The following ITGB5 variants were observed in gnomAD, a reference collection of about 807,000 sequenced individuals.
ITGB5 encodes integrin subunit beta 5.
Under a neutral mutation model 84.8 loss-of-function variants are expected in ITGB5, and 38 were observed. That is an observed-to-expected ratio of 0.45 (90% CI 0.35 to 0.59). The LOEUF (loss-of-function observed/expected upper bound fraction) is 0.59, where lower values mean the gene tolerates loss of function less well. Ranked by LOEUF, ITGB5 falls within the 20% of genes least tolerant of loss-of-function variation. The pLI is 0.01. For synonymous variants in ITGB5, 393 were observed against 414.4 expected, an observed-to-expected ratio of 0.95 and a Z score of 0.63; for missense variants, 905 against 1,034.5, an observed-to-expected ratio of 0.87 and a Z score of 1.72.
At chr3:124,889,483 C>T (rs1934948371), upstream of ITGB5, among the ~76,000 whole-genome samples, 1 of 152,226 alleles carries the variant, frequency 6.6e-6, no homozygotes, top group African/African-American at 2.4e-5. Flanking sequence ...TACATATTGT[C>T]AGGACTTCCC....
In ITGB5 at chr3:124,796,508, G is replaced by A. The variant is rs1340071589; in HGVS notation, c.1573C>T (p.Arg525Cys). ...CACTGGTTGCAGCTGCAGTCCCCAC[G>A]CCCGCTGCACAGTGGCTTGCCCTCT... is the stretch of plus-strand genomic sequence containing the variant. Reference protein sequence around the residue: ...EAEGKPLCSGRGDCSCNQCSC... With the variant: ...EAEGKPLCSGCGDCSCNQCSC... The change falls in exon 10 of 15, where the codon CGT becomes TGT. Residue 525 changes from arginine to cysteine, a missense_variant. Around this residue, in one of 3 missense-constraint regions of ITGB5, gnomAD observed 656 missense variants for 734.7 expected, o/e 0.89. Coordinates refer to ENST00000296181, the MANE Select transcript of ITGB5 (RefSeq NM_002213.5). 2.5e-6 allele frequency: 4 copies of A among 1,613,970 alleles called. No individual in the cohort carries two copies. Among genetic ancestry groups the A allele is most frequent in the East Asian group, 4.5e-5 (2 of 44,888 alleles).
At chr3:124,842,902 C>T (rs965931502) in intron 4 of ITGB5, among the ~76,000 whole-genome samples, 2 of 152,144 alleles carry the variant, frequency 1.3e-5, no homozygotes, top group Non-Finnish European at 2.9e-5. Context: ...CCTTCTCCAT[C>T]CACACAGTCA....
At chr3:124,831,682 C>G (rs2064862372) in intron 5 of ITGB5, among the ~76,000 whole-genome samples, 2 of 152,152 alleles carry the variant, frequency 1.3e-5, no homozygotes, top group South Asian at 2.1e-4. Context: ...CTTTAAATTT[C>G]TAGGTTCTCT....
At chr3:124,766,080 A>G (rs955721671) in intron 13 of ITGB5, 146 bp downstream of exon 13, 36 of 840,280 alleles carry the variant, frequency 4.3e-5, no homozygotes, top group African/African-American at 3.7e-4. Context: ...AAAAAAAGAA[A>G]AAGAAGAAAT....
At chr3:124,770,511 G>A (rs533671563) in intron 11 of ITGB5, among the ~76,000 whole-genome samples, 3 of 152,186 alleles carry the variant, frequency 2.0e-5, no homozygotes, top group African/African-American at 7.2e-5. Context: ...TTAACTCCTC[G>A]GGATTAAGAG....
intron 5 of ITGB5, among the ~76,000 whole-genome samples, chr3:124,831,550 C>G (rs533219312): frequency 1.3e-5 from 2 of 152,290 alleles, no homozygotes; most frequent in Admixed American, 1.3e-4. Context: ...AGCCAACGTC[C>G]CACTCAGCTG....
chr3:124,810,605 T>TTAA (rs1468924534), intron 8 of ITGB5, among the ~76,000 whole-genome samples: 1 of 117,542 alleles, frequency 8.5e-6, no homozygotes, highest in African/African-American at 4.3e-5. Flanking sequence ...CTTAAAAAAA[T>TTAA]TAAGAATAAT....
intron 2 of ITGB5, among the ~76,000 whole-genome samples, chr3:124,866,536 T>C (rs2107629927): frequency 6.6e-6 from 1 of 152,340 alleles, no homozygotes; most frequent in African/African-American, 2.4e-5. Context: ...TGAGAAACTG[T>C]AGGCCCTTGA....
At chr3:124,773,581 A>G in intron 11 of ITGB5, 109 bp downstream of exon 11, 1 of 893,862 alleles carries the variant, frequency 1.1e-6, no homozygotes. Flanking sequence ...GCTGGGTGGG[A>G]GATGCAGGAG....
intron 10 of ITGB5, among the ~76,000 whole-genome samples, chr3:124,777,572 C>T (rs1305482117): frequency 3.3e-5 from 5 of 152,216 alleles, no homozygotes; most frequent in East Asian, 1.9e-4. Context: ...TGACAGCAGA[C>T]GCTGCACATC....
chr3:124,785,046 G>A (rs1404391752), intron 10 of ITGB5, among the ~76,000 whole-genome samples: 5 of 152,184 alleles, frequency 3.3e-5, no homozygotes, highest in South Asian at 2.1e-4. Context: ...GCCATGAGGC[G>A]GCAGGGAAGC....
intron 5 of ITGB5, among the ~76,000 whole-genome samples, chr3:124,833,504 C>A (rs1387041360): frequency 1.3e-5 from 2 of 152,200 alleles, no homozygotes; most frequent in Non-Finnish European, 2.9e-5. Flanking sequence ...TCCACCATAC[C>A]TGCCACTGAG....
chr3:124,872,925 A>G (rs558666252), intron 2 of ITGB5, among the ~76,000 whole-genome samples: 152 of 152,288 alleles, frequency 1.0e-3, no homozygotes, highest in Middle Eastern at 6.8e-3. Context: ...TATGATACCA[A>G]TAGCCTAACA....
At chr3:124,786,165 C>G (rs952942609) in intron 10 of ITGB5, among the ~76,000 whole-genome samples, 1 of 152,162 alleles carries the variant, frequency 6.6e-6, no homozygotes, top group Non-Finnish European at 1.5e-5. Flanking sequence ...AGGGCTTGCT[C>G]ATGATGAGTG....
intron 11 of ITGB5, among the ~76,000 whole-genome samples, chr3:124,771,960 G>GACTC (rs1431713119): frequency 6.6e-6 from 1 of 152,150 alleles, no homozygotes; most frequent in Non-Finnish European, 1.5e-5. Context: ...AGGAAGGCAA[G>GACTC]ACTCATTTGA....
chr3:124,835,829 A>G (rs757110678), intron 5 of ITGB5, among the ~76,000 whole-genome samples: 2 of 152,250 alleles, frequency 1.3e-5, no homozygotes, highest in Non-Finnish European at 2.9e-5. Flanking sequence ...GGGAGGGAGC[A>G]AGAGGAAACC....
chr3:124,825,973 A>G (rs1032431983), intron 5 of ITGB5, among the ~76,000 whole-genome samples: 1 of 152,234 alleles, frequency 6.6e-6, no homozygotes, highest in African/African-American at 2.4e-5. Context: ...CTCTACAGCC[A>G]TCAGAAATTA....
chr3:124,783,253 T>C (rs948401080), intron 10 of ITGB5, among the ~76,000 whole-genome samples: 1 of 132,608 alleles, frequency 7.5e-6, no homozygotes, highest in African/African-American at 2.9e-5. Flanking sequence ...ATTGCACCAC[T>C]GCACTCCACC....
Position 124,887,060 on chromosome 3 carries a change from G to A in ITGB5, c.-60C>T. ...TGCACTCCGCGGGGGCCGGCGGCCG[G>A]GGCTGGGGCCGGAGCGCGGGGGCCG... On this transcript the variant is annotated 5_prime_UTR_variant, in exon 1 of 15. Transcript: ENST00000296181. 1.2e-6 allele frequency: 1 copy of A among 818,946 alleles called. No individual in the cohort carries two copies. The highest frequency in any genetic ancestry group is 1.5e-6 in the Non-Finnish European group (1 of 672,748). The allele number at this position is 818,946 out of a possible 1,614,324, so 50.7% of individuals were successfully genotyped here. A position where few individuals can be genotyped will look rare whatever the true frequency, so the allele number is the denominator to read the frequency against.
Sources: gnomAD v4.1 joint callset for allele counts (sites outside exome capture counted in the v4.1 genomes callset) on GRCh38, gnomAD v4.1.1 for gene constraint, gnomAD v4.1.1 regional missense constraint, MANE v1.5 for transcripts, NCBI Gene and HGNC (gene_info 2026-07-23, HGNC 2026-07-21) for gene names.